Variants in CCBE1 observed in about 807,000 individuals in gnomAD.
CCBE1 encodes collagen and calcium-binding EGF domain-containing protein 1.
Under a neutral mutation model 50.0 loss-of-function variants are expected in CCBE1, and 37 were observed. The ratio of observed to expected loss-of-function variants is 0.74; its 90% confidence interval spans 0.57 to 0.97. The LOEUF (loss-of-function observed/expected upper bound fraction) is 0.97, where lower values mean the gene tolerates loss of function less well. Ranked by LOEUF, CCBE1 falls within the 50% of genes least tolerant of loss-of-function variation. The pLI is 0.00. For missense variants in CCBE1, 538 were observed against 523.8 expected (o/e 1.03, Z -0.26); for synonymous variants, 234 against 203.7 (o/e 1.15, Z -1.27).
At chr18:59,450,381 C>T (rs774974259) in intron 6 of CCBE1, among the ~76,000 whole-genome samples, 7 of 152,092 alleles carry the variant, frequency 4.6e-5, no homozygotes, top group South Asian at 2.1e-4. Flanking sequence ...TTAATGTTGT[C>T]GTTTTTTAAA....
At chr18:59,689,027 C>T (rs980074323) in intron 2 of CCBE1, among the ~76,000 whole-genome samples, 8 of 152,138 alleles carry the variant, frequency 5.3e-5, no homozygotes, top group African/African-American at 1.9e-4. Flanking sequence ...CTTTGGGGGC[C>T]AAATTGGGAT....
rs576929821 is a variant in CCBE1 at position 59,477,377 on chromosome 18, C to T, written c.265+2809G>A. On this transcript the variant is annotated intron_variant, in intron 3 of 10. Transcript: ENST00000439986. ...ACCTAACCAGGTAGAGAAAGAACCA[C>T]GATCAGGCGAGGTGCTTGCTGAGGG... Among the ~76,000 whole-genome samples, 48 of 152,288 alleles carry T rather than the reference C, an allele frequency of 3.2e-4. No individual in the cohort carries two copies. The South Asian group carries it at 9.1e-3, about 29-fold the overall frequency.
chr18:59,695,173 A>G (rs899464128), intron 2 of CCBE1, among the ~76,000 whole-genome samples: 1 of 152,202 alleles, frequency 6.6e-6, no homozygotes, highest in Non-Finnish European at 1.5e-5. Flanking sequence ...TGAGCAAACC[A>G]TCTCAGAGAC....
intron 2 of CCBE1, among the ~76,000 whole-genome samples, chr18:59,525,440 G>GA (rs1227575167): frequency 7.2e-5 from 11 of 152,062 alleles, no homozygotes; most frequent in African/African-American, 2.4e-4. Flanking sequence ...GTAGATTCTG[G>GA]ATATTAGATC....
intron 2 of CCBE1, among the ~76,000 whole-genome samples, chr18:59,520,926 G>C: frequency 6.6e-6 from 1 of 152,220 alleles, no homozygotes; most frequent in East Asian, 1.9e-4. Flanking sequence ...TGTTGATACA[G>C]TGATTTTTAA....
intron 2 of CCBE1, among the ~76,000 whole-genome samples, chr18:59,602,772 C>A (rs1244251469): frequency 6.6e-6 from 1 of 152,154 alleles, no homozygotes; most frequent in Non-Finnish European, 1.5e-5. Flanking sequence ...AAGGCCTGAA[C>A]AAGGGTTAAG....
chr18:59,603,873 G>T (rs916783893), intron 2 of CCBE1, among the ~76,000 whole-genome samples: 1 of 152,200 alleles, frequency 6.6e-6, no homozygotes, highest in Non-Finnish European at 1.5e-5. Context: ...CTGAAGCTCT[G>T]TCCTGACCTC....
rs80296667 is a variant in CCBE1 at position 59,435,571 on chromosome 18, A to C, written c.*337T>G. 625 of 338,564 alleles carry C rather than the reference A, an allele frequency of 1.8e-3. 2 individuals are homozygous for C. The highest frequency in any genetic ancestry group is 0.012 in the African/African-American group (587 of 47,522). The allele number at this position is 338,564 out of a possible 1,614,324, so 21.0% of individuals were successfully genotyped here. ...CCCTTTTGATACTCTGCCAAATTTA[A>C]CTTCAAGAATTTATGATTTAAGACA... On this transcript the variant is annotated 3_prime_UTR_variant, in exon 11 of 11. Transcript: ENST00000439986.
At chr18:59,517,718 G>A (rs1025595923) in intron 2 of CCBE1, among the ~76,000 whole-genome samples, 2 of 152,202 alleles carry the variant, frequency 1.3e-5, no homozygotes, top group Non-Finnish European at 2.9e-5. Context: ...TAGCAGTGAG[G>A]ACACAAAGCA....
At chr18:59,670,497 T>C (rs780779219) in intron 2 of CCBE1, among the ~76,000 whole-genome samples, 12 of 152,198 alleles carry the variant, frequency 7.9e-5, no homozygotes, top group Non-Finnish European at 4.4e-5. Flanking sequence ...ATTTGTCTCA[T>C]GGTCATGCAT....
At chr18:59,696,049 G>T (rs375957712) in intron 2 of CCBE1, among the ~76,000 whole-genome samples, 24 of 152,298 alleles carry the variant, frequency 1.6e-4, no homozygotes, top group African/African-American at 5.5e-4. Context: ...GTTTTAACAA[G>T]CACCCGGGTC....
At chr18:59,583,483 T>C (rs920200204) in intron 2 of CCBE1, among the ~76,000 whole-genome samples, 6 of 152,174 alleles carry the variant, frequency 3.9e-5, no homozygotes, top group Admixed American at 3.9e-4. Context: ...GTGAGAAGCA[T>C]AGCAAGATGA....
chr18:59,669,303 C>T (rs1301736803), intron 2 of CCBE1, among the ~76,000 whole-genome samples: 1 of 152,190 alleles, frequency 6.6e-6, no homozygotes, highest in Non-Finnish European at 1.5e-5. Flanking sequence ...AATAACAAGG[C>T]TCCATGCTAG....
At chr18:59,442,306 C>T (rs992695112) in intron 7 of CCBE1, among the ~76,000 whole-genome samples, 12 of 152,208 alleles carry the variant, frequency 7.9e-5, no homozygotes, top group African/African-American at 2.4e-4. Flanking sequence ...TAAGAATTAA[C>T]TGCTTTCTTC....
At chr18:59,643,778 T>C (rs933278640) in intron 2 of CCBE1, among the ~76,000 whole-genome samples, 7 of 144,716 alleles carry the variant, frequency 4.8e-5, no homozygotes, top group African/African-American at 1.8e-4. Context: ...GCCAAGATCA[T>C]GCCACTGTAC....
intron 2 of CCBE1, among the ~76,000 whole-genome samples, chr18:59,620,285 CAA>C (rs1333231294): frequency 1.3e-5 from 2 of 152,170 alleles, no homozygotes; most frequent in African/African-American, 4.8e-5. Context: ...CTAAACAAGA[CAA>C]CCCTGCTGTT....
intron 2 of CCBE1, among the ~76,000 whole-genome samples, chr18:59,567,991 C>T (rs773116909): frequency 3.9e-5 from 6 of 152,066 alleles, no homozygotes; most frequent in African/African-American, 1.4e-4. Flanking sequence ...TTTTAGAAAT[C>T]GCTGTGGTAG....
chr18:59,671,185 T>C (rs956728762), intron 2 of CCBE1, among the ~76,000 whole-genome samples: 2 of 151,912 alleles, frequency 1.3e-5, no homozygotes, highest in Admixed American at 6.6e-5. Context: ...GAAAGCCATT[T>C]GAGTACCCTA....
In CCBE1 at chr18:59,507,391, C is replaced by T. The variant is rs146885343; in HGVS notation, c.213-27153G>A. 1.7e-3 allele frequency among the ~76,000 whole-genome samples: 252 copies of T among 152,350 alleles called. 1 individual carries two copies. The highest frequency in any genetic ancestry group is 5.8e-3 in the African/African-American group (240 of 41,578). ...AATAAGCTCTGAGCTGGTGGTCTCA[C>T]TGGAGCTTCCCAGCTCTCCCAACTT... is the stretch of plus-strand genomic sequence containing the variant. On this transcript the variant is annotated intron_variant, in intron 2 of 10. Coordinates refer to ENST00000439986, the MANE Select transcript of CCBE1 (RefSeq NM_133459.4).
Sources: allele counts gnomAD v4.1 joint callset (sites outside exome capture counted in the v4.1 genomes callset), GRCh38; gene constraint gnomAD v4.1.1; transcripts MANE v1.5; gene names NCBI Gene and HGNC (gene_info 2026-07-23, HGNC 2026-07-21).